The following TNR variants were observed in gnomAD, a reference collection of about 807,000 sequenced individuals.
The protein encoded by TNR is tenascin R, also known as tenascin-R.
Under a neutral mutation model 150.4 loss-of-function variants are expected in TNR, and 45 were observed. The observed-to-expected ratio is 0.30, with a 90% CI of 0.24 to 0.38. The LOEUF (loss-of-function observed/expected upper bound fraction) is 0.38. TNR is among the 10% of genes least tolerant of loss of function. The probability of loss-of-function intolerance (pLI) is 1.00; values close to 1 mark genes in which losing one functional copy is unlikely to be tolerated. For synonymous variants in TNR, 687 were observed against 678.4 expected, an observed-to-expected ratio of 1.01 and a Z score of -0.20; for missense variants, 1,544 against 1,759.1, an observed-to-expected ratio of 0.88 and a Z score of 2.19.
intron 21 of TNR, among the ~76,000 whole-genome samples, chr1:175,328,798 CG>C (rs199742378): frequency 0.012 from 1,773 of 152,104 alleles, 45 homozygotes; most frequent in African/African-American, 0.041. Flanking sequence ...AAAGCACAGG[CG>C]GATGAAGAGG....
intron 1 of TNR, among the ~76,000 whole-genome samples, chr1:175,584,938 T>G (rs1662507553): frequency 6.6e-6 from 1 of 152,192 alleles, no homozygotes; most frequent in South Asian, 2.1e-4. Context: ...TGCTTTGGTG[T>G]CTCCTCCACA....
chr1:175,497,324 T>C (rs1379899955), intron 2 of TNR, among the ~76,000 whole-genome samples: 1 of 152,168 alleles, frequency 6.6e-6, no homozygotes, highest in East Asian at 1.9e-4. Flanking sequence ...TCTCTCACCG[T>C]CAATTACAGC....
At chr1:175,671,500 G>A (rs985139172) in intron 1 of TNR, among the ~76,000 whole-genome samples, 4 of 152,208 alleles carry the variant, frequency 2.6e-5, no homozygotes, top group African/African-American at 9.7e-5. Context: ...GCCCCTGAAT[G>A]GGTATGGTGA....
rs116283542 is a variant in TNR at position 175,542,569 on chromosome 1, G to T, written c.-164-14200C>A. ...GACAGAGCCCTAATAGAGGATAAAG[G>T]CATTTCCCACCCACACCTCCAAGCA... On this transcript the variant is annotated intron_variant, in intron 1 of 22. Transcript: ENST00000367674. Among the ~76,000 whole-genome samples the T allele has an allele frequency of 5.4e-3, 817 of 152,238 alleles. 7 individuals carry two copies. The highest frequency in any genetic ancestry group is 0.018 in the South Asian group (89 of 4,814).
At chr1:175,600,694 C>T (rs1663200048) in intron 1 of TNR, among the ~76,000 whole-genome samples, 1 of 152,330 alleles carries the variant, frequency 6.6e-6, no homozygotes, top group Admixed American at 6.5e-5. Context: ...TGCTCCCTGG[C>T]GTAGTGCTAT....
At chr1:175,561,090 G>A (rs1260567781) in intron 1 of TNR, among the ~76,000 whole-genome samples, 1 of 152,034 alleles carries the variant, frequency 6.6e-6, no homozygotes, top group African/African-American at 2.4e-5. Context: ...TGTTTTTGTT[G>A]TCTCTGGCAT....
chr1:175,640,775 A>G (rs1049058677), intron 1 of TNR, among the ~76,000 whole-genome samples: 4 of 150,794 alleles, frequency 2.7e-5, no homozygotes, highest in Admixed American at 1.3e-4. Flanking sequence ...AAATATATAT[A>G]TGTGTGTGTG....
At chr1:175,731,167 C>T (rs1218558636) in intron 1 of TNR, among the ~76,000 whole-genome samples, 2 of 152,106 alleles carry the variant, frequency 1.3e-5, no homozygotes, top group Admixed American at 1.3e-4. Flanking sequence ...TGTCTTCTGG[C>T]CATTGGAACA....
Position 175,545,691 on chromosome 1 carries a change from A to G in TNR, c.-164-17322T>C, listed in dbSNP as rs77087984. 1.8e-4 allele frequency among the ~76,000 whole-genome samples: 27 copies of G among 152,346 alleles called. 1 individual carries two copies. In the East Asian group the frequency reaches 4.8e-3, roughly 27 times the overall value. On this transcript the variant is annotated intron_variant, in intron 1 of 22. Coordinates refer to ENST00000367674, the MANE Select transcript of TNR (RefSeq NM_003285.3). ...TTCAAAGCAACTCTATGAAGTAGGT[A>G]CTGTAGCTATGATTCCCATCAAACA... is the stretch of plus-strand genomic sequence containing the variant.
chr1:175,640,208 C>T (rs1195257083), intron 1 of TNR, among the ~76,000 whole-genome samples: 3 of 152,216 alleles, frequency 2.0e-5, no homozygotes, highest in African/African-American at 7.2e-5. Context: ...AGCTTAAATT[C>T]AGATAAAGTT....
At chr1:175,631,862 A>G (rs909645002) in intron 1 of TNR, among the ~76,000 whole-genome samples, 1 of 152,228 alleles carries the variant, frequency 6.6e-6, no homozygotes, top group Non-Finnish European at 1.5e-5. Flanking sequence ...ATGCTTCTCT[A>G]CACTGCTTTA....
chr1:175,350,309 C>T (rs1342525749), intron 18 of TNR, among the ~76,000 whole-genome samples: 1 of 152,184 alleles, frequency 6.6e-6, no homozygotes, highest in African/African-American at 2.4e-5. Flanking sequence ...GTCAAGACAA[C>T]CTATTTTATA....
At chr1:175,704,559 C>G (rs1666795051) in intron 1 of TNR, among the ~76,000 whole-genome samples, 1 of 152,192 alleles carries the variant, frequency 6.6e-6, no homozygotes. Context: ...AGGTAATTCC[C>G]CCACCTCCTC....
intron 1 of TNR, among the ~76,000 whole-genome samples, chr1:175,736,571 G>A (rs761898097): frequency 3.6e-4 from 54 of 152,050 alleles, no homozygotes; most frequent in Admixed American, 7.2e-4. Flanking sequence ...GGTGAGGGAG[G>A]GTGAGGGAAA....
At chr1:175,371,726 G>T (rs1652114894) in intron 9 of TNR, among the ~76,000 whole-genome samples, 1 of 152,084 alleles carries the variant, frequency 6.6e-6, no homozygotes, top group South Asian at 2.1e-4. Flanking sequence ...AGCAAACAGG[G>T]GCTCCAAGAA....
chr1:175,392,776 G>A (rs1373703639), intron 6 of TNR, among the ~76,000 whole-genome samples: 3 of 152,180 alleles, frequency 2.0e-5, no homozygotes, highest in African/African-American at 2.4e-5. Context: ...TTTTAAGCCT[G>A]TCACCAACTA....
At chr1:175,590,366 T>G (rs1407580816) in intron 1 of TNR, among the ~76,000 whole-genome samples, 2 of 152,248 alleles carry the variant, frequency 1.3e-5, no homozygotes, top group African/African-American at 2.4e-5. Context: ...AATATTGCAT[T>G]AAATATTATT....
chr1:175,574,374 AAAG>A (rs1195356417), intron 1 of TNR, among the ~76,000 whole-genome samples: 37 of 152,194 alleles, frequency 2.4e-4, no homozygotes, highest in East Asian at 1.9e-4. Context: ...AGTACAGAAA[AAAG>A]AAGAAGAGAG....
At chr1:175,350,928 A>G (rs563614879) in intron 18 of TNR, among the ~76,000 whole-genome samples, 1 of 152,312 alleles carries the variant, frequency 6.6e-6, no homozygotes, top group Admixed American at 6.5e-5. Context: ...AAACACTCAG[A>G]ATGATGAGCT....
Sources: gnomAD v4.1 joint callset for allele counts (sites outside exome capture counted in the v4.1 genomes callset) on GRCh38, gnomAD v4.1.1 for gene constraint, MANE v1.5 for transcripts, NCBI Gene and HGNC (gene_info 2026-07-23, HGNC 2026-07-21) for gene names.